C16orf96: variants seen among roughly 807,000 people sequenced by gnomAD.
C16orf96 encodes chromosome 16 open reading frame 96.
C16orf96 carries 108 observed loss-of-function variants against 103.6 expected under a neutral mutation model. The observed-to-expected ratio is 1.04, with a 90% CI of 0.89 to 1.22. The LOEUF (loss-of-function observed/expected upper bound fraction) is 1.22. Ranked by LOEUF, C16orf96 falls within the 50% of genes most tolerant of loss-of-function variation. The pLI is 0.00. For synonymous variants in C16orf96, 566 were observed against 593.5 expected (o/e 0.95, Z 0.67); for missense variants, 1,586 against 1,464.2 (o/e 1.08, Z -1.36).
At chr16:4,544,089 G>A in the C16orf96 span, among the ~76,000 whole-genome samples, 6 of 152,292 alleles carry the variant, frequency 3.9e-5, no homozygotes, top group African/African-American at 1.2e-4. Context: ...AGGGGGTAGG[G>A]CCTAGGGTAG....
intron 1 of C16orf96, among the ~76,000 whole-genome samples, chr16:4,567,557 A>G (rs902382606): frequency 6.6e-6 from 1 of 151,742 alleles, no homozygotes; most frequent in Non-Finnish European, 1.5e-5. Flanking sequence ...TGCTGGGATT[A>G]CAGGTGTGAG....
At chr16:4,545,363 C>T in the C16orf96 span, among the ~76,000 whole-genome samples, 249 of 152,182 alleles carry the variant, frequency 1.6e-3, 1 homozygote, top group Admixed American at 2.4e-3. Flanking sequence ...CATGCAACCA[C>T]AACCAGCTAT....
At chr16:4,570,462 G>A (rs1027628931) in intron 1 of C16orf96, among the ~76,000 whole-genome samples, 4 of 104,814 alleles carry the variant, frequency 3.8e-5, no homozygotes, top group Non-Finnish European at 7.2e-5. Context: ...CTCACAACAC[G>A]CTTTTTTTTT....
chr16:4,588,701 CTTTTT>C (rs35941814), intron 9 of C16orf96, among the ~76,000 whole-genome samples: 12 of 80,302 alleles, frequency 1.5e-4, no homozygotes, highest in Admixed American at 1.6e-4. Flanking sequence ...GCAGCAATGT[CTTTTT>C]TTTTTTTTTT....
chr16:4,544,571 T>G, the C16orf96 span, among the ~76,000 whole-genome samples: 1 of 152,190 alleles, frequency 6.6e-6, no homozygotes, highest in African/African-American at 2.4e-5. Flanking sequence ...ATCACGCTGC[T>G]GCACTCCAGC....
chr16:4,550,253 T>C, the C16orf96 span, among the ~76,000 whole-genome samples: 240 of 152,212 alleles, frequency 1.6e-3, 2 homozygotes, highest in Middle Eastern at 0.014. Flanking sequence ...CCCAGCTAAT[T>C]TTTATAATTT....
chr16:4,558,673 G>A (rs1282667753), intron 1 of C16orf96, among the ~76,000 whole-genome samples: 6 of 152,124 alleles, frequency 3.9e-5, no homozygotes, highest in East Asian at 1.9e-4. Context: ...CCAGCATTTC[G>A]GGAGGCCAAG....
In C16orf96 at chr16:4,576,619, G is replaced by A; in HGVS notation, c.2139G>A (p.Gln713=). 1 of 1,551,144 alleles carries A rather than the reference G, an allele frequency of 6.4e-7. No individual in the cohort carries two copies. The highest frequency in any genetic ancestry group is 8.7e-7 in the Non-Finnish European group (1 of 1,146,762). ...EFAQLSCNLN[Q]RLSYLANMGG... Reference sequence around the variant, plus strand: ...CCCAGCTGTCCTGTAACCTGAACCAGCGCTTGAGTTATCTAGGTAGGCCTG... The same window carrying A: ...CCCAGCTGTCCTGTAACCTGAACCAACGCTTGAGTTATCTAGGTAGGCCTG... Residue 713 remains glutamine (Q), a synonymous_variant, in exon 5 of 16, where the codon CAG becomes CAA. Coordinates refer to ENST00000444310, the MANE Select transcript of C16orf96 (RefSeq NM_001145011.2).
In C16orf96 at chr16:4,600,320, C is replaced by T. The variant is rs1167549101; in HGVS notation, c.*3C>T. 3.9e-6 allele frequency: 6 copies of T among 1,545,378 alleles called. No individual in the cohort carries two copies. The African/African-American group carries it at 5.5e-5, about 14-fold the overall frequency. On this transcript the variant is annotated 3_prime_UTR_variant, in exon 16 of 16. Coordinates refer to ENST00000444310, the MANE Select transcript of C16orf96 (RefSeq NM_001145011.2). ...CCGAGGAGCCCGCCAACCCGTGAGC[C>T]CCACCCCGCTGCGCCCCCCATCGCC...
Position 4,576,483 on chromosome 16 carries a change from T to G in C16orf96, c.2003T>G (p.Val668Gly). The change falls in exon 5 of 16, where the codon GTG (valine) becomes GGG (glycine). Residue 668 changes from valine (V) to glycine (G), a missense_variant. Transcript: ENST00000444310. ...GATCCAGCCCTGTCCCAGGCCATGG[T>G]GGCTACCAAGCAGGCCATGAGCCCT... ...GPDPALSQAM[V>G]ATKQAMSPED... The G allele has an allele frequency of 6.4e-7, 1 of 1,551,432 alleles. No homozygotes were observed. The highest frequency in any genetic ancestry group is 8.7e-7 in the Non-Finnish European group (1 of 1,146,986).
rs535690178 is a variant in C16orf96, at chr16:4,582,391, G to A, written c.2352+2266G>A. Among the ~76,000 whole-genome samples the A allele has an allele frequency of 2.0e-4, 31 of 152,266 alleles. No homozygotes were observed. The South Asian group carries it at 4.6e-3, about 22-fold the overall frequency. ...GGGGGGCTGTTGCTGGGATGCACTG[G>A]GGTGTGTTGGGGGAAAAGGGACCAA... On this transcript the variant is annotated intron_variant, in intron 7 of 15. Transcript: ENST00000444310.
intron 2 of C16orf96, among the ~76,000 whole-genome samples, chr16:4,572,589 CCA>C (rs1422662768): frequency 6.6e-6 from 1 of 152,148 alleles, no homozygotes; most frequent in African/African-American, 2.4e-5. Flanking sequence ...GCGTGAGCCA[CCA>C]CATCCGGCAA....
At chr16:4,583,378 C>T (rs531889070) in intron 7 of C16orf96, among the ~76,000 whole-genome samples, 2 of 150,180 alleles carry the variant, frequency 1.3e-5, no homozygotes, top group South Asian at 2.1e-4. Context: ...TGGCAGCGTA[C>T]GCCTATAGTC....
chr16:4,572,870 G>A (rs941983963), intron 2 of C16orf96, among the ~76,000 whole-genome samples: 1 of 152,116 alleles, frequency 6.6e-6, no homozygotes, highest in African/African-American at 2.4e-5. Context: ...TGGAGTCCCC[G>A]AGACATGAGG....
chr16:4,572,194 A>T (rs1027463802), intron 2 of C16orf96, among the ~76,000 whole-genome samples: 4 of 152,064 alleles, frequency 2.6e-5, no homozygotes, highest in Non-Finnish European at 5.9e-5. Flanking sequence ...GTTAGTTGTA[A>T]GTGACAGAAA....
chr16:4,574,742 G>C lies in C16orf96; in HGVS notation c.559G>C (p.Asp187His). The change falls in exon 3 of 16, where the codon GAC becomes CAC. Residue 187 changes from aspartate (D) to histidine (H), a missense_variant. Transcript: ENST00000444310. ...AGAAAGAATGGACATCTTTGCTGAA[G>C]ACTTCAAAATACAGAACTGGAAGAT... The part of the protein sequence containing the change: ...HPERMDIFAE[D>H]FKIQNWKMVA... The C allele has an allele frequency of 6.4e-7, 1 of 1,551,902 alleles. No individual in the cohort carries two copies. Among genetic ancestry groups the C allele is most frequent in the African/African-American group, 1.4e-5 (1 of 73,158 alleles).
chr16:4,599,931 A>AT (rs1897248625), intron 15 of C16orf96, among the ~76,000 whole-genome samples, 169 bp from the exon 16 acceptor site: 1 of 152,190 alleles, frequency 6.6e-6, no homozygotes, highest in South Asian at 2.1e-4. Context: ...CACCCAGGAC[A>AT]TTTAGGGTGC....
chr16:4,555,297 C>CCT (rs2033108746), upstream of C16orf96, among the ~76,000 whole-genome samples: 1 of 145,882 alleles, frequency 6.9e-6, no homozygotes, highest in African/African-American at 2.4e-5. Flanking sequence ...CACACACACA[C>CCT]ACACACACAC....
rs2450386 is a variant in C16orf96, at chr16:4,575,937, A to T, written c.1457A>T (p.Asp486Val). Reference protein sequence around the residue: ...DGAPKDRTRKDGVPKDRGGKD... With the variant: ...DGAPKDRTRKVGVPKDRGGKD... ...GCCCCCAAGGATAGAACTCGCAAGG[A>T]TGGGGTCCCCAAAGATAGAGGTGGC... The change falls in exon 5 of 16, where the codon GAT (aspartate) becomes GTT (valine). Residue 486 changes from aspartate to valine, a missense_variant. Coordinates refer to ENST00000444310, the MANE Select transcript of C16orf96 (RefSeq NM_001145011.2). 110,992 of 1,265,846 alleles carry T rather than the reference A, an allele frequency of 0.088. 10,984 individuals are homozygous for T. Among genetic ancestry groups the T allele is most frequent in the South Asian group, 0.17 (12,273 of 71,010 alleles). The allele number at this position is 1,265,846 out of a possible 1,614,324, so 78.4% of individuals were successfully genotyped here. A position where few individuals can be genotyped will look rare whatever the true frequency, so the allele number is the denominator to read the frequency against.
Sources: allele counts gnomAD v4.1 joint callset (sites outside exome capture counted in the v4.1 genomes callset), GRCh38; gene constraint gnomAD v4.1.1; transcripts MANE v1.5; gene names NCBI Gene and HGNC (gene_info 2026-07-23, HGNC 2026-07-21).